The following CNTNAP2 variants were observed in gnomAD, a reference collection of about 807,000 sequenced individuals.
CNTNAP2 encodes the protein contactin-associated protein-like 2.
A neutral mutation model predicts 155.2 loss-of-function variants in CNTNAP2; 98 were observed. That is an observed-to-expected ratio of 0.63 (90% CI 0.54 to 0.75). The LOEUF is 0.75. CNTNAP2 is among the 30% of genes least tolerant of loss of function. The pLI is 0.00. For synonymous variants in CNTNAP2, 651 were observed against 631.2 expected (o/e 1.03, Z -0.47); for missense variants, 1,727 against 1,688.1 (o/e 1.02, Z -0.40).
intron 9 of CNTNAP2, among the ~76,000 whole-genome samples, chr7:147,319,524 T>G (rs1795305345): frequency 6.6e-6 from 1 of 152,072 alleles, no homozygotes; most frequent in Non-Finnish European, 1.5e-5. Context: ...ACTATAGGCG[T>G]GCACCACCAT....
chr7:148,281,691 TTTA>T (rs1410933201), intron 21 of CNTNAP2, among the ~76,000 whole-genome samples: 4 of 152,160 alleles, frequency 2.6e-5, no homozygotes, highest in African/African-American at 9.7e-5. Flanking sequence ...TTTATTGGGC[TTTA>T]TTATTATTAT....
chr7:147,593,061 T>G (rs1157556661), intron 12 of CNTNAP2, among the ~76,000 whole-genome samples: 1 of 152,168 alleles, frequency 6.6e-6, no homozygotes, highest in Non-Finnish European at 1.5e-5. Flanking sequence ...CTAAATATTT[T>G]TATCTTTCTG....
chr7:148,251,454 C>A (rs1796361280), intron 20 of CNTNAP2, among the ~76,000 whole-genome samples: 1 of 151,988 alleles, frequency 6.6e-6, no homozygotes, highest in African/African-American at 2.4e-5. Context: ...ATTTACTGAG[C>A]TTCGGTGTCC....
chr7:148,203,659 C>A (rs1404620406), intron 18 of CNTNAP2, among the ~76,000 whole-genome samples: 8 of 152,068 alleles, frequency 5.3e-5, no homozygotes, highest in Non-Finnish European at 1.5e-5. Flanking sequence ...GCACAAGAAT[C>A]GCTTGAACCC....
chr7:146,271,181 A>T (rs1213615345), intron 1 of CNTNAP2, among the ~76,000 whole-genome samples: 4 of 152,082 alleles, frequency 2.6e-5, no homozygotes, highest in Non-Finnish European at 5.9e-5. Context: ...CAGGATTTCT[A>T]AAAATCGTAT....
intron 1 of CNTNAP2, among the ~76,000 whole-genome samples, chr7:146,596,606 AGAGAG>A (rs1798863540): frequency 7.1e-6 from 1 of 141,218 alleles, no homozygotes; most frequent in Admixed American, 6.9e-5. Flanking sequence ...AGAGAGAGAG[AGAGAG>A]AGAGAGAGAG....
chr7:146,742,183 CT>C (rs910348230), intron 1 of CNTNAP2, among the ~76,000 whole-genome samples: 2 of 151,814 alleles, frequency 1.3e-5, no homozygotes, highest in African/African-American at 2.4e-5. Flanking sequence ...ATTTTGCAGT[CT>C]TTTGTTTATT....
intron 12 of CNTNAP2, among the ~76,000 whole-genome samples, chr7:147,575,617 T>C (rs1223301069): frequency 6.6e-6 from 1 of 151,830 alleles, no homozygotes; most frequent in Non-Finnish European, 1.5e-5. Context: ...TTACTCACCA[T>C]CCTAACCAAG....
chr7:146,774,138 T>A, intron 1 of CNTNAP2, 133 bp from the exon 2 acceptor site: 1 of 708,250 alleles, frequency 1.4e-6, no homozygotes. Context: ...TTGCCTAAAT[T>A]CCTTTGCTAA....
rs7794745 is a variant in CNTNAP2 at position 146,792,514 on chromosome 7, A to T, written c.208+18133A>T. Among the ~76,000 whole-genome samples the T allele has an allele frequency of 0.48, 72,789 of 152,054 alleles. 20,031 individuals are homozygous for T. Among genetic ancestry groups the T allele is most frequent in the African/African-American group, 0.76 (31,706 of 41,488 alleles). ...CAGGTCAGGACCTGGAAAGGCCTAA[A>T]TGATAAGACTAAGTGTCAAAATCAG... On this transcript the variant is annotated intron_variant, in intron 2 of 23. Coordinates refer to ENST00000361727, the MANE Select transcript of CNTNAP2 (RefSeq NM_014141.6).
intron 9 of CNTNAP2, among the ~76,000 whole-genome samples, chr7:147,325,991 C>T (rs560406508): frequency 1.3e-5 from 2 of 152,224 alleles, no homozygotes; most frequent in East Asian, 1.9e-4. Context: ...GGCACAATCT[C>T]GGCTCACTGC....
chr7:148,344,473 T>G (rs1357678519), intron 21 of CNTNAP2, among the ~76,000 whole-genome samples: 3 of 152,180 alleles, frequency 2.0e-5, no homozygotes, highest in African/African-American at 7.2e-5. Flanking sequence ...CCTCATGCTG[T>G]TTTATTTTTC....
intron 15 of CNTNAP2, among the ~76,000 whole-genome samples, chr7:148,002,260 A>T (rs1801911843): frequency 6.6e-6 from 1 of 152,184 alleles, no homozygotes; most frequent in South Asian, 2.1e-4. Flanking sequence ...GGAAGATGAT[A>T]AGCATACGCT....
chr7:147,896,616 C>T (rs1019779660), intron 13 of CNTNAP2, among the ~76,000 whole-genome samples: 2 of 152,034 alleles, frequency 1.3e-5, no homozygotes, highest in Non-Finnish European at 2.9e-5. Flanking sequence ...ATGGGAGGCA[C>T]CAGATCAGAT....
rs1328305416 is a variant in CNTNAP2 at position 148,377,223 on chromosome 7, G to A, written c.3476-6426G>A. On this transcript the variant is annotated intron_variant, in intron 21 of 23. Coordinates refer to ENST00000361727, the MANE Select transcript of CNTNAP2 (RefSeq NM_014141.6). The stretch of plus-strand genomic sequence containing the variant: ...CAGCAGTGCCTGGCCATGTTTTCAA[G>A]TGTACATCAGGTGACCACTCACCTG... 3.0e-5 allele frequency among the ~76,000 whole-genome samples: 2 copies of A among 67,674 alleles called. 1 individual carries two copies. Among genetic ancestry groups the A allele is most frequent in the African/African-American group, 7.3e-5 (2 of 27,528 alleles). The allele number at this position is 67,674 out of a possible 152,430, so 44.4% of individuals were successfully genotyped here.
intron 8 of CNTNAP2, among the ~76,000 whole-genome samples, chr7:147,141,039 G>A (rs1801581853): frequency 1.3e-5 from 2 of 152,134 alleles, no homozygotes; most frequent in South Asian, 4.1e-4. Context: ...CTGTCACTGT[G>A]CTAAAGCCTT....
chr7:147,661,709 C>G (rs998882007), intron 13 of CNTNAP2, among the ~76,000 whole-genome samples: 19 of 151,966 alleles, frequency 1.3e-4, no homozygotes, highest in African/African-American at 3.9e-4. Context: ...TGTGCCACTA[C>G]GCCTGGCTAA....
chr7:147,317,796 G>GGATATATA (rs1554468798), intron 9 of CNTNAP2, among the ~76,000 whole-genome samples: 1 of 97,170 alleles, frequency 1.0e-5, no homozygotes, highest in Admixed American at 1.2e-4. Flanking sequence ...GTGTGTGTGT[G>GGATATATA]TGTATATGTA....
chr7:148,274,653 C>A (rs538676817), intron 21 of CNTNAP2, among the ~76,000 whole-genome samples: 2 of 152,320 alleles, frequency 1.3e-5, no homozygotes, highest in African/African-American at 4.8e-5. Flanking sequence ...CACCTTCTGC[C>A]ATAATCATAA....
Sources: gnomAD v4.1 joint callset for allele counts (sites outside exome capture counted in the v4.1 genomes callset) on GRCh38, gnomAD v4.1.1 for gene constraint, MANE v1.5 for transcripts, NCBI Gene and HGNC (gene_info 2026-07-23, HGNC 2026-07-21) for gene names.